SGMS2: variants seen among roughly 807,000 people sequenced by gnomAD.
SGMS2 encodes the protein phosphatidylcholine:ceramide cholinephosphotransferase 2.
In SGMS2, 21 loss-of-function variants were observed where a neutral mutation model predicts 43.8. That is an observed-to-expected ratio of 0.48 (90% CI 0.34 to 0.69). The LOEUF is 0.69. Ranked by LOEUF, SGMS2 falls within the 30% of genes least tolerant of loss-of-function variation. The pLI is 0.01. For synonymous variants in SGMS2, 167 were observed against 160.6 expected (o/e 1.04, Z -0.30); for missense variants, 384 against 443.2 (o/e 0.87, Z 1.20).
intron 2 of SGMS2, among the ~76,000 whole-genome samples, chr4:107,865,028 A>T (rs76557582): frequency 6.6e-6 from 1 of 152,198 alleles, no homozygotes; most frequent in African/African-American, 2.4e-5. Context: ...AACATTATTC[A>T]TAAAATATTA....
intron 2 of SGMS2, among the ~76,000 whole-genome samples, chr4:107,861,662 T>C (rs1727739947): frequency 6.6e-6 from 1 of 152,208 alleles, no homozygotes; most frequent in Non-Finnish European, 1.5e-5. Flanking sequence ...ATTTTTTTCC[T>C]TAAATATGCC....
At chr4:107,849,390 A>T (rs556514429) in intron 1 of SGMS2, among the ~76,000 whole-genome samples, 2 of 152,306 alleles carry the variant, frequency 1.3e-5, no homozygotes, top group South Asian at 4.1e-4. Context: ...TGAGGAACTG[A>T]ATTTTAAATT....
At chr4:107,885,197 C>G (rs1212478795) in intron 2 of SGMS2, among the ~76,000 whole-genome samples, 1 of 151,860 alleles carries the variant, frequency 6.6e-6, no homozygotes, top group African/African-American at 2.4e-5. Context: ...AACTCTGAAC[C>G]TTCCAGTTAC....
rs1732082753 is a variant in SGMS2 at position 107,911,057 on chromosome 4, T to C, written c.*504T>C. Reference sequence around the variant, plus strand: ...GTGCGTCAGCTTTGGGTGAATTTTGTTTCTACCCTGTCACGGGGAAAGTTC... The same window carrying C: ...GTGCGTCAGCTTTGGGTGAATTTTGCTTCTACCCTGTCACGGGGAAAGTTC... On this transcript the variant is annotated 3_prime_UTR_variant, in exon 7 of 7. Transcript: ENST00000690982. 6.5e-6 allele frequency: 1 copy of C among 154,214 alleles called. No homozygotes were observed. Among genetic ancestry groups the C allele is most frequent in the Admixed American group, 6.4e-5 (1 of 15,592 alleles). The allele number at this position is 154,214 out of a possible 1,614,324, so 9.6% of individuals were successfully genotyped here.
At chr4:107,888,334 TA>T (rs1049317480) in intron 2 of SGMS2, among the ~76,000 whole-genome samples, 7 of 151,470 alleles carry the variant, frequency 4.6e-5, no homozygotes, top group East Asian at 1.9e-4. Context: ...AACCTTAATT[TA>T]AAAAAAAACT....
intron 2 of SGMS2, chr4:107,863,766 C>G (rs952988618): frequency 6.6e-6 from 1 of 152,136 alleles, no homozygotes; most frequent in African/African-American, 2.4e-5. Context: ...AATAAAAATG[C>G]AGTCACAAAA....
At chr4:107,892,155 C>T (rs1483920016) in intron 2 of SGMS2, among the ~76,000 whole-genome samples, 1 of 147,592 alleles carries the variant, frequency 6.8e-6, no homozygotes, top group African/African-American at 2.5e-5. Flanking sequence ...AGGGAAACTC[C>T]GTAAAGGAGT....
intron 2 of SGMS2, among the ~76,000 whole-genome samples, chr4:107,871,931 C>G (rs1728583351): frequency 6.6e-6 from 1 of 151,928 alleles, no homozygotes; most frequent in Non-Finnish European, 1.5e-5. Context: ...ATGCGTTAAA[C>G]ACTTATTTTA....
chr4:107,853,260 T>TA (rs35800831), intron 1 of SGMS2, among the ~76,000 whole-genome samples: 18 of 151,328 alleles, frequency 1.2e-4, no homozygotes, highest in African/African-American at 2.7e-4. Context: ...TTTCTGGGCT[T>TA]AAAAAAAAAG....
At chr4:107,855,874 C>T (rs1424198503) in intron 1 of SGMS2, among the ~76,000 whole-genome samples, 1 of 152,026 alleles carries the variant, frequency 6.6e-6, no homozygotes, top group African/African-American at 2.4e-5. Flanking sequence ...CTTTTAAGGA[C>T]CTTGTTAAGT....
chr4:107,894,621 G>A lies in SGMS2; in HGVS notation c.-244-689G>A, dbSNP rs1383865565. 2.6e-5 allele frequency among the ~76,000 whole-genome samples: 4 copies of A among 152,150 alleles called. No homozygotes were observed. The East Asian group carries it at 7.7e-4, about 29-fold the overall frequency. On this transcript the variant is annotated intron_variant, in intron 2 of 6. Transcript: ENST00000690982. ...TTTATCCTTCAAATAAATTCTACTT[G>A]TTACCTGCGTGAGAGACATAGCTAA... is the stretch of plus-strand genomic sequence containing the variant.
chr4:107,828,466 T>C (rs1470352808), intron 1 of SGMS2, among the ~76,000 whole-genome samples: 1 of 152,222 alleles, frequency 6.6e-6, no homozygotes, highest in Non-Finnish European at 1.5e-5. Flanking sequence ...ACTTACGTTT[T>C]CTCTCCTCAT....
At chr4:107,906,857 C>G (rs1419657551) in intron 5 of SGMS2, among the ~76,000 whole-genome samples, 1 of 152,144 alleles carries the variant, frequency 6.6e-6, no homozygotes, top group Non-Finnish European at 1.5e-5. Flanking sequence ...CAAAATAGTT[C>G]TAGTTTGCCT....
chr4:107,898,960 T>C (rs1335672480), intron 3 of SGMS2, among the ~76,000 whole-genome samples: 1 of 152,204 alleles, frequency 6.6e-6, no homozygotes, highest in Non-Finnish European at 1.5e-5. Context: ...GAGAACACTT[T>C]GGACATTTTC....
intron 2 of SGMS2, among the ~76,000 whole-genome samples, chr4:107,880,483 C>T (rs919235799): frequency 3.1e-4 from 47 of 152,078 alleles, no homozygotes; most frequent in African/African-American, 1.1e-3. Flanking sequence ...AAAGCACCCT[C>T]ACATCCATAA....
chr4:107,870,442 G>A (rs1459607721), intron 2 of SGMS2, among the ~76,000 whole-genome samples: 8 of 152,134 alleles, frequency 5.3e-5, no homozygotes, highest in African/African-American at 1.7e-4. Context: ...GAGGAGGTGC[G>A]TGAGTGGAAG....
intron 2 of SGMS2, among the ~76,000 whole-genome samples, chr4:107,869,198 A>G (rs922400103): frequency 4.6e-5 from 7 of 152,178 alleles, no homozygotes; most frequent in Non-Finnish European, 1.0e-4. Context: ...TGAGTGCTGT[A>G]TTTGAAAGTT....
At chr4:107,851,103 C>G (rs971683644) in intron 1 of SGMS2, among the ~76,000 whole-genome samples, 10 of 152,134 alleles carry the variant, frequency 6.6e-5, no homozygotes, top group African/African-American at 2.4e-4. Flanking sequence ...AAAAACTTTG[C>G]TTTGTGAAAT....
rs974420338 is a variant in SGMS2, at chr4:107,912,450, A to G, written c.*1897A>G. ...AATGTTCGCTTATATTCATTTATTA[A>G]CTAGCAACACTTGTGCAAGAACAAG... On this transcript the variant is annotated 3_prime_UTR_variant, in exon 7 of 7. Coordinates refer to ENST00000690982, the MANE Select transcript of SGMS2 (RefSeq NM_001375905.1). 1 of 152,176 alleles carries G rather than the reference A, an allele frequency of 6.6e-6. No individual in the cohort carries two copies. The highest frequency in any genetic ancestry group is 1.5e-5 in the Non-Finnish European group (1 of 68,028). 9.4% of individuals were successfully genotyped at this position (152,176 alleles called of 1,614,324 possible).
Sources: gnomAD v4.1 joint callset for allele counts (sites outside exome capture counted in the v4.1 genomes callset) on GRCh38, gnomAD v4.1.1 for gene constraint, MANE v1.5 for transcripts, NCBI Gene and HGNC (gene_info 2026-07-23, HGNC 2026-07-21) for gene names.